DDX50: variants seen among roughly 807,000 people sequenced by gnomAD.
DDX50 encodes DExD-box helicase 50, also known as ATP-dependent RNA helicase DDX50.
DDX50 carries 56 observed loss-of-function variants against 94.8 expected under a neutral mutation model. The ratio of observed to expected loss-of-function variants is 0.59; its 90% CI spans 0.48 to 0.74. DDX50 has a LOEUF of 0.74. Ranked by LOEUF, DDX50 falls within the 30% of genes least tolerant of loss-of-function variation. The pLI is 0.00. For missense variants in DDX50, 713 were observed against 881.2 expected (o/e 0.81, Z 2.42); for synonymous variants, 264 against 295.4 (o/e 0.89, Z 1.09).
chr10:68,941,110 C>T lies in DDX50; in HGVS notation c.1806C>T (p.Ser602=). ...LESLEEIQDV[S]CAWKELNRKL... Reference sequence around the variant, plus strand: ...GCCTAGAGGAAATACAGGATGTCAGCTGTGCTTGGAAAGAACTTAACAGAA... The same window carrying T: ...GCCTAGAGGAAATACAGGATGTCAGTTGTGCTTGGAAAGAACTTAACAGAA... Residue 602 remains serine, a synonymous_variant, in exon 13 of 15, where the codon AGC becomes AGT. Transcript: ENST00000373585. 1 of 1,612,692 alleles carries T rather than the reference C, an allele frequency of 6.2e-7. No individual in the cohort carries two copies. Among genetic ancestry groups the T allele is most frequent in the Non-Finnish European group, 8.5e-7 (1 of 1,179,930 alleles).
At position 68,934,766 on chromosome 10, in the gene DDX50, T is replaced by C. The variant is rs200806264; in HGVS notation, c.1402-33T>C. The C allele has an allele frequency of 1.8e-4, 289 of 1,564,572 alleles. No homozygotes were observed. The highest frequency in any genetic ancestry group is 2.3e-4 in the Non-Finnish European group (273 of 1,164,096). Reference sequence around the variant, plus strand: ...TCCGGAATGACTGCAACTTGCTAGATTTTTAAAAAATATTACCTTTTATAA... The same window carrying C: ...TCCGGAATGACTGCAACTTGCTAGACTTTTAAAAAATATTACCTTTTATAA... On this transcript the variant is annotated intron_variant, in intron 9 of 14. Transcript: ENST00000373585. The surrounding 1 kb of genome is among the most constrained non-coding windows in gnomAD (Gnocchi z 4.0).
intron 6 of DDX50, 46 bp downstream of exon 6, chr10:68,913,622 C>T: frequency 6.5e-7 from 1 of 1,538,488 alleles, no homozygotes; most frequent in South Asian, 1.2e-5. Flanking sequence ...ATTGTTCGAT[C>T]TTAAATGCAA....
intron 10 of DDX50, 144 bp from the exon 11 acceptor site, chr10:68,935,862 A>G: frequency 1.6e-6 from 1 of 618,604 alleles, no homozygotes; most frequent in Non-Finnish European, 2.7e-6. Flanking sequence ...AAAAACAAAA[A>G]AGATAAAACT....
At chr10:68,935,864 G>A (rs59756111) in intron 10 of DDX50, 142 bp from the exon 11 acceptor site, 1 of 626,436 alleles carries the variant, frequency 1.6e-6, no homozygotes, top group South Asian at 2.2e-5. Flanking sequence ...AAACAAAAAA[G>A]ATAAAACTGA....
At chr10:68,936,515 A>AT (rs1230892956) in intron 11 of DDX50, among the ~76,000 whole-genome samples, 2 of 53,146 alleles carry the variant, frequency 3.8e-5, no homozygotes, top group Non-Finnish European at 3.1e-5. Context: ...AAAAAAAAAA[A>AT]ATATATATAT....
chr10:68,936,515 A>AAAT (rs1842418839), intron 11 of DDX50, among the ~76,000 whole-genome samples: 4 of 53,144 alleles, frequency 7.5e-5, no homozygotes, highest in Non-Finnish European at 9.2e-5. Flanking sequence ...AAAAAAAAAA[A>AAAT]ATATATATAT....
Position 68,916,378 on chromosome 10 carries a change from A to G in DDX50, c.1089+2174A>G, listed in dbSNP as rs561855595. Among the ~76,000 whole-genome samples the G allele has an allele frequency of 3.3e-5, 5 of 151,894 alleles. No individual in the cohort carries two copies. The East Asian group carries it at 9.6e-4, about 29-fold the overall frequency. ...CAAAAAAAAAAAAAAAAGAATAAGAAAAAAGAAGCTTTTTTATTTTGTAAT... is the reference window on the plus strand; with the variant it reads ...CAAAAAAAAAAAAAAAAGAATAAGAGAAAAGAAGCTTTTTTATTTTGTAAT... On this transcript the variant is annotated intron_variant, in intron 7 of 14. Coordinates refer to ENST00000373585, the MANE Select transcript of DDX50 (RefSeq NM_024045.2).
chr10:68,937,203 C>G, intron 12 of DDX50, 108 bp downstream of exon 12: 1 of 1,222,848 alleles, frequency 8.2e-7, no homozygotes, highest in Non-Finnish European at 1.1e-6. Flanking sequence ...AACTGTTTTG[C>G]TCTATGAGAA....
intron 7 of DDX50, among the ~76,000 whole-genome samples, chr10:68,919,210 A>G (rs567297299): frequency 6.6e-6 from 1 of 152,348 alleles, no homozygotes; most frequent in African/African-American, 2.4e-5. Flanking sequence ...CTGTAAATGT[A>G]ATCATACAAT....
chr10:68,931,417 A>G (rs866444871), intron 8 of DDX50, among the ~76,000 whole-genome samples: 1,111 of 85,568 alleles, frequency 0.013, 39 homozygotes, highest in African/African-American at 0.048. Flanking sequence ...ATATGTATAT[A>G]TATATATATA....
intron 1 of DDX50, among the ~76,000 whole-genome samples, chr10:68,901,747 C>G (rs998664854): frequency 6.6e-6 from 1 of 152,240 alleles, no homozygotes; most frequent in Non-Finnish European, 1.5e-5. Context: ...GACTCAAGCT[C>G]CCATCACCAT....
intron 7 of DDX50, among the ~76,000 whole-genome samples, chr10:68,919,345 A>G (rs1017488683): frequency 1.3e-5 from 2 of 152,192 alleles, no homozygotes; most frequent in African/African-American, 4.8e-5. Flanking sequence ...TGAAAAATTC[A>G]TATGTGTGTA....
Position 68,946,584 on chromosome 10 carries a change from A to C in DDX50, c.2168A>C (p.Asn723Thr). ...CAAGATGGTAGAAGACGAAGTGGGA[A>C]TAGAAATCGATCAAGAAGTGGGGGC... ...SRQDGRRRSG[N>T]RNRSRSGGHK... The change falls in exon 15 of 15, where the codon AAT (asparagine) becomes ACT (threonine). Residue 723 changes from asparagine (N) to threonine (T), a missense_variant. Coordinates refer to ENST00000373585, the MANE Select transcript of DDX50 (RefSeq NM_024045.2). 1 of 1,614,190 alleles carries C rather than the reference A, an allele frequency of 6.2e-7. No homozygotes were observed. The highest frequency in any genetic ancestry group is 1.1e-5 in the South Asian group (1 of 91,090).
Position 68,913,248 on chromosome 10 carries a change from T to C in DDX50, c.726T>C (p.Cys242=). 1 of 1,613,268 alleles carries C rather than the reference T, an allele frequency of 6.2e-7. No homozygotes were observed. The highest frequency in any genetic ancestry group is 8.5e-7 in the Non-Finnish European group (1 of 1,179,822). The change falls in exon 5 of 15, where the codon TGT becomes TGC. Residue 242 remains cysteine, a synonymous_variant. Coordinates refer to ENST00000373585, the MANE Select transcript of DDX50 (RefSeq NM_024045.2). ...TAACTAGGAAACTCAGCGTGGCGTG[T>C]TTTTATGGTGGAACATCATATCAAA... ...KDITRKLSVA[C]FYGGTSYQSQ... is the part of the protein sequence containing the mutation.
Position 68,907,015 on chromosome 10 carries a change from A to T in DDX50, c.384+8A>T. 6.4e-7 allele frequency: 1 copy of T among 1,569,530 alleles called. No homozygotes were observed. Among genetic ancestry groups the T allele is most frequent in the Non-Finnish European group, 8.6e-7 (1 of 1,167,718 alleles). On this transcript the variant is annotated splice_region_variant and intron_variant, in intron 2 of 14. Coordinates refer to ENST00000373585, the MANE Select transcript of DDX50 (RefSeq NM_024045.2). ...GATAATAAACTAGAGGAGGTATGGAAGCTTTTTATTTTGCATTTGACATTG... is the reference window on the plus strand; with the variant it reads ...GATAATAAACTAGAGGAGGTATGGATGCTTTTTATTTTGCATTTGACATTG...
chr10:68,915,110 G>A (rs1375403099), intron 7 of DDX50, among the ~76,000 whole-genome samples: 3 of 149,814 alleles, frequency 2.0e-5, no homozygotes, highest in Non-Finnish European at 4.4e-5. Flanking sequence ...TAAACCAATG[G>A]TATGTTTAAA....
rs56820953 is a variant in DDX50 at position 68,923,937 on chromosome 10, CTTTTTTTTTTTTTTTT to C, written c.1239+3971_1239+3986del. On this transcript the variant is annotated intron_variant, in intron 8 of 14. Coordinates refer to ENST00000373585, the MANE Select transcript of DDX50 (RefSeq NM_024045.2). The stretch of plus-strand genomic sequence containing the variant: ...TCACTTTATTTGAGGAGATAGTCTG[CTTTTTTTTTTTTTTTT>C]TTTTTTTTTTTTTTGAGACAGAGTC... Among the ~76,000 whole-genome samples, 21 of 42,410 alleles carry C rather than the reference CTTTTTTTTTTTTTTTT, an allele frequency of 5.0e-4. 1 individual carries two copies. The highest frequency in any genetic ancestry group is 1.6e-3 in the African/African-American group (15 of 9,570). The allele number at this position is 42,410 out of a possible 152,430, so 27.8% of individuals were successfully genotyped here.
intron 7 of DDX50, among the ~76,000 whole-genome samples, chr10:68,914,445 A>G (rs1841724516): frequency 6.6e-6 from 1 of 152,248 alleles, no homozygotes; most frequent in East Asian, 1.9e-4. Context: ...CCATAGAGAC[A>G]GATTTGAAGT....
chr10:68,931,060 A>T (rs1246394516), intron 8 of DDX50, among the ~76,000 whole-genome samples: 1 of 152,082 alleles, frequency 6.6e-6, no homozygotes, highest in African/African-American at 2.4e-5. Flanking sequence ...GCTAGGTCAG[A>T]TTGTCCTCTT....
Sources: gnomAD v4.1 joint callset for allele counts (sites outside exome capture counted in the v4.1 genomes callset) on GRCh38, gnomAD v4.1.1 for gene constraint, Gnocchi (gnomAD v3.1) non-coding constraint, MANE v1.5 for transcripts, NCBI Gene and HGNC (gene_info 2026-07-23, HGNC 2026-07-21) for gene names.